Variants in WNK2 observed in about 807,000 individuals in gnomAD.
The protein encoded by WNK2 is serine/threonine-protein kinase WNK2.
In WNK2, 67 loss-of-function variants were observed where a neutral mutation model predicts 192.1. The ratio of observed to expected loss-of-function variants is 0.35; its 90% CI spans 0.29 to 0.43. The LOEUF (loss-of-function observed/expected upper bound fraction) is 0.43. Ranked by LOEUF, WNK2 falls within the 20% of genes least tolerant of loss-of-function variation. The pLI is 1.00. For synonymous variants in WNK2, 1,439 were observed against 1,393.9 expected (o/e 1.03, Z -0.72); for missense variants, 2,698 against 3,089.7 (o/e 0.87, Z 3.01).
intron 2 of WNK2, among the ~76,000 whole-genome samples, chr9:93,190,317 A>G (rs545999591): frequency 6.6e-6 from 1 of 152,288 alleles, no homozygotes; most frequent in Non-Finnish European, 1.5e-5. Flanking sequence ...TGTGCAGGTC[A>G]CCGTCATGGG....
chr9:93,216,518 G>C (rs1385069956), intron 2 of WNK2, among the ~76,000 whole-genome samples: 1 of 151,996 alleles, frequency 6.6e-6, no homozygotes, highest in African/African-American at 2.4e-5. Flanking sequence ...TGATGCTACT[G>C]GGGAGGCCAA....
Position 93,185,225 on chromosome 9 carries a change from C to T in WNK2, c.296C>T (p.Ala99Val). Residue 99 changes from alanine to valine, a missense_variant, in exon 2 of 30, where the codon GCA becomes GTA. By Grantham distance (64) the Ala-to-Val change is moderately conservative. Around this residue, in one of 7 missense-constraint regions of WNK2, gnomAD observed 260 missense variants for 285.6 expected, o/e 0.91. Coordinates refer to ENST00000427277, the MANE Select transcript of WNK2 (RefSeq NM_006648.4). ...ARGRPAAPAP[A>V]ALVAQPGAPG... is the part of the protein sequence containing the mutation. ...GGACGCCCCGCCGCCCCCGCGCCCG[C>T]AGCGCTGGTAGCGCAGCCGGGAGCC... 1 of 1,187,532 alleles carries T rather than the reference C, an allele frequency of 8.4e-7. No individual in the cohort carries two copies. Among genetic ancestry groups the T allele is most frequent in the South Asian group, 4.0e-5 (1 of 24,888 alleles). The allele number at this position is 1,187,532 out of a possible 1,614,324, so 73.6% of individuals were successfully genotyped here.
intron 8 of WNK2, among the ~76,000 whole-genome samples, chr9:93,248,096 G>C (rs924123477): frequency 6.6e-6 from 1 of 152,242 alleles, no homozygotes; most frequent in Non-Finnish European, 1.5e-5. Flanking sequence ...CCTTCTGCCA[G>C]CACCTTTGGT....
Position 93,297,845 on chromosome 9 carries a change from TC to T in WNK2, c.5709-6del. 6.4e-7 allele frequency: 1 copy of T among 1,569,584 alleles called. No homozygotes were observed. ...CCCATCGGCGCTCCCTCCTGTCCCCTCCTGCAGGCACCTGAAGGAGATCTCG... is the reference window on the plus strand; with the variant it reads ...CCCATCGGCGCTCCCTCCTGTCCCCTCTGCAGGCACCTGAAGGAGATCTCG... On this transcript the variant is annotated splice_region_variant and splice_polypyrimidine_tract_variant and intron_variant, in intron 23 of 29. Coordinates refer to ENST00000427277, the MANE Select transcript of WNK2 (RefSeq NM_006648.4).
chr9:93,276,252 C>A (rs141814965), intron 19 of WNK2, among the ~76,000 whole-genome samples: 190 of 152,280 alleles, frequency 1.2e-3, no homozygotes, highest in African/African-American at 4.5e-3. Context: ...GATTGGTACA[C>A]ACATCGGTGG....
rs773824472 is a variant in WNK2 at position 93,298,033 on chromosome 9, G to T, written c.5889G>T (p.Leu1963=). The change falls in exon 24 of 30, where the codon CTG becomes CTT. Residue 1963 remains leucine, a synonymous_variant. Transcript: ENST00000427277. ...KLKAGKLLNP[L]VRQLKVVASS... is the part of the protein sequence containing the mutation. ...AGGCAGGCAAGCTGCTAAATCCCCT[G>T]GTGCGGCAGCTCAAGGTCGTGGCCT... 3 of 1,552,738 alleles carry T rather than the reference G, an allele frequency of 1.9e-6. No homozygotes were observed. Among genetic ancestry groups the T allele is most frequent in the Non-Finnish European group, 2.6e-6 (3 of 1,148,608 alleles).
rs1330831959 is a variant in WNK2, at chr9:93,318,670, C to T, written c.6628+1039C>T. On this transcript the variant is annotated intron_variant, in intron 29 of 29. Coordinates refer to ENST00000427277, the MANE Select transcript of WNK2 (RefSeq NM_006648.4). ...CCCTCTCTCCTGCCCACTTCCCTCC[C>T]TTCTCCATGATTTCCATGGAGACCT... 4 of 1,508,680 alleles carry T rather than the reference C, an allele frequency of 2.7e-6. No homozygotes were observed. In the East Asian group the frequency reaches 7.1e-5, roughly 27 times the overall value. 93.5% of individuals were successfully genotyped at this position (1,508,680 alleles called of 1,614,324 possible). A position where few individuals can be genotyped will look rare whatever the true frequency, so the allele number is the denominator to read the frequency against.
chr9:93,258,946 G>A lies in WNK2; in HGVS notation c.2398G>A (p.Val800Ile), dbSNP rs1190738253. 6.2e-7 allele frequency: 1 copy of A among 1,612,234 alleles called. No homozygotes were observed. The highest frequency in any genetic ancestry group is 1.7e-5 in the Admixed American group (1 of 59,982). Residue 800 changes from valine to isoleucine, a missense_variant, in exon 12 of 30, where the codon GTT (valine) becomes ATT (isoleucine). Around this residue, in one of 7 missense-constraint regions of WNK2, gnomAD observed 893 missense variants for 909.0 expected, o/e 0.98. Coordinates refer to ENST00000427277, the MANE Select transcript of WNK2 (RefSeq NM_006648.4). Reference protein sequence around the residue: ...QVPPQMPPIPVVPPITPLAGI... With the variant: ...QVPPQMPPIPIVPPITPLAGI... The stretch of plus-strand genomic sequence containing the variant: ...TCTCTTTCAGATGCCCCCGATTCCT[G>A]TTGTGCCCCCCATCACGCCCCTGGC...
chr9:93,256,018 GTTCTGCA>G, intron 9 of WNK2, among the ~76,000 whole-genome samples: 1 of 152,326 alleles, frequency 6.6e-6, no homozygotes, highest in Admixed American at 6.5e-5. Context: ...TTTCTGTATG[GTTCTGCA>G]GAGCCTCTGT....
chr9:93,315,548 TC>T (rs1854487895), intron 28 of WNK2: 1 of 152,230 alleles, frequency 6.6e-6, no homozygotes, highest in South Asian at 2.1e-4. Context: ...TCACCATTCT[TC>T]CACCCAAGCT....
intron 19 of WNK2, among the ~76,000 whole-genome samples, chr9:93,287,353 G>A (rs1434945807): frequency 3.9e-5 from 6 of 152,112 alleles, no homozygotes; most frequent in African/African-American, 1.4e-4. Context: ...GGCAGGACAC[G>A]GGCCTGCACG....
rs1393054490 is a variant in WNK2 at position 93,257,859 on chromosome 9, G to A, written c.2382+720G>A. 1.3e-5 allele frequency among the ~76,000 whole-genome samples: 2 copies of A among 152,238 alleles called. No homozygotes were observed. Among genetic ancestry groups the A allele is most frequent in the Non-Finnish European group, 2.9e-5 (2 of 68,032 alleles). Reference sequence around the variant, plus strand: ...TGACTGCATGTAACTGGTGCAGAATGTAGCCGGGGCCAGGGCACCATTGCC... The same window carrying A: ...TGACTGCATGTAACTGGTGCAGAATATAGCCGGGGCCAGGGCACCATTGCC... On this transcript the variant is annotated intron_variant, in intron 11 of 29. Transcript: ENST00000427277. The surrounding 1 kb of genome is among the most constrained non-coding windows in gnomAD (Gnocchi z 4.7).
intron 2 of WNK2, among the ~76,000 whole-genome samples, chr9:93,223,780 G>A (rs947140337): frequency 2.6e-5 from 4 of 152,240 alleles, no homozygotes; most frequent in African/African-American, 9.6e-5. Flanking sequence ...TTCCCACCAG[G>A]AGGGCGTGGA....
chr9:93,249,496 C>T (rs751241491), intron 8 of WNK2, among the ~76,000 whole-genome samples: 8 of 152,050 alleles, frequency 5.3e-5, no homozygotes, highest in Non-Finnish European at 8.8e-5. Context: ...TTTTTTGAGA[C>T]GGAGTCTTGC....
chr9:93,251,980 C>T (rs1842663855), intron 8 of WNK2, among the ~76,000 whole-genome samples: 1 of 152,232 alleles, frequency 6.6e-6, no homozygotes, highest in African/African-American at 2.4e-5. Context: ...CAGGATTTCC[C>T]TTTTGTTTAA....
intron 2 of WNK2, among the ~76,000 whole-genome samples, chr9:93,189,877 A>G (rs1830016312): frequency 6.6e-6 from 1 of 152,188 alleles, no homozygotes; most frequent in African/African-American, 2.4e-5. Flanking sequence ...ACCTGCTTTT[A>G]GCCCTGACCC....
rs1840304144 is a variant in WNK2, at chr9:93,239,112, C to T, written c.1323-645C>T. On this transcript the variant is annotated intron_variant, in intron 6 of 29. Transcript: ENST00000427277. The surrounding 1 kb of genome is among the most constrained non-coding windows in gnomAD (Gnocchi z 4.2). The stretch of plus-strand genomic sequence containing the variant: ...AGGGAGGCTTCTTTGGGTGGCCAAG[C>T]CCTGCAGAGCCCCGAAGTGGTCACC... Among the ~76,000 whole-genome samples, 2 of 152,222 alleles carry T rather than the reference C, an allele frequency of 1.3e-5. No individual in the cohort carries two copies. The highest frequency in any genetic ancestry group is 1.3e-4 in the Admixed American group (2 of 15,288).
intron 26 of WNK2, among the ~76,000 whole-genome samples, chr9:93,304,478 G>A (rs535055040): frequency 1.3e-5 from 2 of 152,410 alleles, no homozygotes; most frequent in South Asian, 2.1e-4. Flanking sequence ...GGGCCTTGGC[G>A]CCGCCTCTTC....
intron 8 of WNK2, among the ~76,000 whole-genome samples, chr9:93,248,664 G>C (rs1009488848): frequency 6.6e-6 from 1 of 152,180 alleles, no homozygotes; most frequent in African/African-American, 2.4e-5. Context: ...ATTTTCAGTA[G>C]GGTGTTACTG....
Sources: gnomAD v4.1 joint callset for allele counts (sites outside exome capture counted in the v4.1 genomes callset) on GRCh38, gnomAD v4.1.1 for gene constraint, gnomAD v4.1.1 regional missense constraint, Gnocchi (gnomAD v3.1) non-coding constraint, MANE v1.5 for transcripts, NCBI Gene and HGNC (gene_info 2026-07-23, HGNC 2026-07-21) for gene names.